PLA2R1: variants seen among roughly 807,000 people sequenced by gnomAD.
PLA2R1 encodes the protein phospholipase A2 receptor 1.
PLA2R1 carries 158 observed loss-of-function variants against 195.9 expected under a neutral mutation model. The ratio of observed to expected loss-of-function variants is 0.81; its 90% confidence interval spans 0.71 to 0.92. PLA2R1 has a LOEUF of 0.92. PLA2R1 is among the 40% of genes least tolerant of loss of function. PLA2R1 has a pLI of 0.00. For missense variants in PLA2R1, 1,626 were observed against 1,764.6 expected (o/e 0.92, Z 1.41); for synonymous variants, 586 against 598.2 (o/e 0.98, Z 0.30).
chr2:160,003,280 T>G (rs958804128), intron 11 of PLA2R1, among the ~76,000 whole-genome samples: 3 of 151,924 alleles, frequency 2.0e-5, no homozygotes, highest in Non-Finnish European at 4.4e-5. Context: ...AGCAAAGCCT[T>G]TAGAAAATAT....
At chr2:159,931,120 C>T (rs189527411), downstream of PLA2R1, among the ~76,000 whole-genome samples, 1 of 152,338 alleles carries the variant, frequency 6.6e-6, no homozygotes, top group Non-Finnish European at 1.5e-5. Context: ...TGAAATAAGG[C>T]AGTCCAGGCT....
intron 22 of PLA2R1, among the ~76,000 whole-genome samples, 169 bp from the exon 23 acceptor site, chr2:159,955,515 G>A (rs183430575): frequency 3.3e-4 from 50 of 151,516 alleles, no homozygotes; most frequent in Admixed American, 1.4e-3. Context: ...AACAATTATT[G>A]TGATGAGTAA....
intron 4 of PLA2R1, among the ~76,000 whole-genome samples, chr2:160,029,415 T>A (rs1693720629): frequency 6.6e-6 from 1 of 151,690 alleles, no homozygotes. Context: ...CACCAGGAGA[T>A]GTCTGCTCAA....
chr2:159,955,709 C>A lies in PLA2R1; in HGVS notation c.3142G>T (p.Asp1048Tyr). The A allele has an allele frequency of 6.7e-7, 1 of 1,488,286 alleles. No individual in the cohort carries two copies. The highest frequency in any genetic ancestry group is 9.1e-7 in the Non-Finnish European group (1 of 1,102,478). 92.2% of individuals were successfully genotyped at this position (1,488,286 alleles called of 1,614,324 possible). A position where few individuals can be genotyped will look rare whatever the true frequency, so the allele number is the denominator to read the frequency against. ...ATCTTAAAACTTACATTTATTATAT[C>A]AAATGGAGACCAGTTAGAATATACC... ...PVVYSNWSPF[D>Y]IINIPSHNTT... Residue 1048 changes from aspartate to tyrosine, a missense_variant, in exon 22 of 30, where the codon GAT becomes TAT. Transcript: ENST00000283243.
At chr2:159,993,935 T>C (rs1465158534) in intron 11 of PLA2R1, among the ~76,000 whole-genome samples, 5 of 152,110 alleles carry the variant, frequency 3.3e-5, no homozygotes, top group Non-Finnish European at 7.4e-5. Flanking sequence ...CTGTGTTTCC[T>C]ATAAAAATTG....
chr2:159,989,049 A>G (rs771129976), intron 11 of PLA2R1, among the ~76,000 whole-genome samples: 1 of 152,192 alleles, frequency 6.6e-6, no homozygotes, highest in Non-Finnish European at 1.5e-5. Context: ...CCTCAAAGGT[A>G]AAAATGTCCA....
chr2:159,975,408 T>C (rs938924022), intron 17 of PLA2R1, among the ~76,000 whole-genome samples: 2 of 152,170 alleles, frequency 1.3e-5, no homozygotes, highest in African/African-American at 4.8e-5. Flanking sequence ...GTCTTACATG[T>C]TTCTTTCTTA....
intron 12 of PLA2R1, among the ~76,000 whole-genome samples, chr2:159,984,276 A>C (rs1202142494): frequency 6.6e-6 from 1 of 152,182 alleles, no homozygotes; most frequent in Admixed American, 6.5e-5. Flanking sequence ...CTCATAACAA[A>C]TTTCTGAGGA....
chr2:160,005,489 A>C (rs1309429338), intron 11 of PLA2R1, among the ~76,000 whole-genome samples, 163 bp downstream of exon 11: 1 of 152,180 alleles, frequency 6.6e-6, no homozygotes, highest in Non-Finnish European at 1.5e-5. Flanking sequence ...ATAAAAACAA[A>C]GATCAGCCAT....
At chr2:160,039,711 C>T (rs1341297195) in intron 3 of PLA2R1, among the ~76,000 whole-genome samples, 1 of 152,010 alleles carries the variant, frequency 6.6e-6, no homozygotes, top group African/African-American at 2.4e-5. Context: ...AGGAAGAAAA[C>T]TGGCACTGAA....
At position 159,976,243 on chromosome 2, in the gene PLA2R1, A is replaced by G. The variant is rs769773885; in HGVS notation, c.2438-18T>C. 1 of 1,575,544 alleles carries G rather than the reference A, an allele frequency of 6.3e-7. No homozygotes were observed. The highest frequency in any genetic ancestry group is 1.1e-5 in the South Asian group (1 of 87,552). Reference sequence around the variant, plus strand: ...GGGTACATCTGAAAAAGAAACAGTGAAAATAATGCTGAAATGATAAATAGG... The same window carrying G: ...GGGTACATCTGAAAAAGAAACAGTGGAAATAATGCTGAAATGATAAATAGG... On this transcript the variant is annotated intron_variant, in intron 16 of 29. Coordinates refer to ENST00000283243, the MANE Select transcript of PLA2R1 (RefSeq NM_007366.5).
rs755211252 is a variant in PLA2R1 at position 159,934,241 on chromosome 2, C to T, written c.*7537G>A. 3.9e-5 allele frequency: 6 copies of T among 152,092 alleles called. No individual in the cohort carries two copies. The highest frequency in any genetic ancestry group is 2.1e-4 in the South Asian group (1 of 4,824). 9.4% of individuals were successfully genotyped at this position (152,092 alleles called of 1,614,324 possible). A position where few individuals can be genotyped will look rare whatever the true frequency, so the allele number is the denominator to read the frequency against. On this transcript the variant is annotated 3_prime_UTR_variant, in exon 30 of 30. Coordinates refer to ENST00000283243, the MANE Select transcript of PLA2R1 (RefSeq NM_007366.5). Reference sequence around the variant, plus strand: ...GCTGTACCCTATTAATACTAAGGCACGAGGTTGTAGGGGATAGCAGGACTA... The same window carrying T: ...GCTGTACCCTATTAATACTAAGGCATGAGGTTGTAGGGGATAGCAGGACTA...
At position 159,945,066 on chromosome 2, in the gene PLA2R1, C is replaced by G. The variant is rs925201078; in HGVS notation, c.3984G>C (p.Trp1328Cys). 7 of 1,611,340 alleles carry G rather than the reference C, an allele frequency of 4.3e-6. No homozygotes were observed. In the East Asian group the frequency reaches 1.6e-4, roughly 36 times the overall value. Residue 1328 changes from tryptophan to cysteine, a missense_variant, in exon 28 of 30, where the codon TGG becomes TGC. Transcript: ENST00000283243. Reference protein sequence around the residue: ...QFDGNNETIKWFDGTPTDQSN... With the variant: ...QFDGNNETIKCFDGTPTDQSN... Reference sequence around the variant, plus strand: ...ACTGGTCTGTGGGAGTTCCATCAAACCACTTTATGGTTTCATCTGTGAGAA... The same window carrying G: ...ACTGGTCTGTGGGAGTTCCATCAAAGCACTTTATGGTTTCATCTGTGAGAA...
At position 160,039,476 on chromosome 2, in the gene PLA2R1, CTTTT is replaced by C. The variant is rs905938662; in HGVS notation, c.667+2545_667+2548del. 2.6e-5 allele frequency among the ~76,000 whole-genome samples: 4 copies of C among 151,166 alleles called. 1 individual carries two copies. In the South Asian group the frequency reaches 6.3e-4, roughly 24 times the overall value. ...TTAAATTTTGCTCATTTACAATCAA[CTTTT>C]TTTTTAAATGTAGCATCATTTTACA... On this transcript the variant is annotated intron_variant, in intron 3 of 29. Coordinates refer to ENST00000283243, the MANE Select transcript of PLA2R1 (RefSeq NM_007366.5).
chr2:160,008,206 C>A (rs1314551392), intron 10 of PLA2R1, among the ~76,000 whole-genome samples: 1 of 151,850 alleles, frequency 6.6e-6, no homozygotes, highest in Non-Finnish European at 1.5e-5. Flanking sequence ...CTCGGGAGGT[C>A]GAGGCGGGAG....
At chr2:160,009,162 T>C (rs1692188748) in intron 10 of PLA2R1, among the ~76,000 whole-genome samples, 1 of 152,194 alleles carries the variant, frequency 6.6e-6, no homozygotes, top group Admixed American at 6.5e-5. Flanking sequence ...CCTTAAAAAA[T>C]TTAAAATCAA....
At chr2:159,982,767 T>C (rs904862970) in intron 13 of PLA2R1, among the ~76,000 whole-genome samples, 1 of 152,146 alleles carries the variant, frequency 6.6e-6, no homozygotes, top group Non-Finnish European at 1.5e-5. Flanking sequence ...CCTGAAAAAA[T>C]AGTACAGGAT....
At chr2:159,957,208 G>A (rs1688147559) in intron 20 of PLA2R1, among the ~76,000 whole-genome samples, 1 of 152,124 alleles carries the variant, frequency 6.6e-6, no homozygotes. Flanking sequence ...TATGACCAAA[G>A]AAACCTGGGA....
intron 11 of PLA2R1, among the ~76,000 whole-genome samples, chr2:160,003,156 T>G (rs2105383778): frequency 6.6e-6 from 1 of 152,012 alleles, no homozygotes; most frequent in South Asian, 2.1e-4. Context: ...TTTAGAAAAA[T>G]TAAAATGAGC....
Sources: gnomAD v4.1 joint callset for allele counts (sites outside exome capture counted in the v4.1 genomes callset) on GRCh38, gnomAD v4.1.1 for gene constraint, MANE v1.5 for transcripts, NCBI Gene and HGNC (gene_info 2026-07-23, HGNC 2026-07-21) for gene names.